RAPGEF4: variants seen among roughly 807,000 people sequenced by gnomAD.
RAPGEF4 encodes Rap guanine nucleotide exchange factor 4, also known as RAP guanine-nucleotide-exchange factor (GEF) 4.
RAPGEF4 carries 66 observed loss-of-function variants against 147.9 expected under a neutral mutation model. That is an observed-to-expected ratio of 0.45 (90% CI 0.37 to 0.55). RAPGEF4 has a LOEUF of 0.55. Among genes scored for constraint, RAPGEF4 ranks in the 20% least tolerant of loss-of-function variants. RAPGEF4 has a pLI of 0.00. For missense variants in RAPGEF4, 1,071 were observed against 1,257.3 expected (o/e 0.85, Z 2.24); for synonymous variants, 419 against 442.7 (o/e 0.95, Z 0.67).
chr2:172,911,240 G>C (rs1700064092), intron 4 of RAPGEF4, among the ~76,000 whole-genome samples: 1 of 152,158 alleles, frequency 6.6e-6, no homozygotes, highest in Non-Finnish European at 1.5e-5. Flanking sequence ...TCAGACCTAT[G>C]AATGAAAGAG....
At chr2:172,938,151 A>G (rs1011614094) in intron 6 of RAPGEF4, among the ~76,000 whole-genome samples, 2 of 151,970 alleles carry the variant, frequency 1.3e-5, no homozygotes, top group African/African-American at 4.8e-5. Flanking sequence ...AAGCCCTGTC[A>G]TCTGAGATAG....
At chr2:172,849,242 T>C (rs1038864148) in intron 4 of RAPGEF4, among the ~76,000 whole-genome samples, 10 of 152,170 alleles carry the variant, frequency 6.6e-5, no homozygotes, top group African/African-American at 9.7e-5. Context: ...GTTCTCACTA[T>C]AAAAAACAAT....
chr2:173,048,964 C>T (rs957293837), intron 30 of RAPGEF4, among the ~76,000 whole-genome samples: 2 of 152,180 alleles, frequency 1.3e-5, no homozygotes, highest in African/African-American at 4.8e-5. Context: ...GCCAACAAAT[C>T]CTGCCTCAAA....
chr2:172,749,124 T>C (rs1231446456), intron 1 of RAPGEF4, among the ~76,000 whole-genome samples: 8 of 152,192 alleles, frequency 5.3e-5, no homozygotes, highest in African/African-American at 1.9e-4. Flanking sequence ...TCCAGGCACA[T>C]AGTGCAAGCT....
intron 6 of RAPGEF4, among the ~76,000 whole-genome samples, chr2:172,952,462 A>C (rs910371809): frequency 6.6e-6 from 1 of 152,210 alleles, no homozygotes; most frequent in Non-Finnish European, 1.5e-5. Flanking sequence ...TTTCCATAGA[A>C]GTCACAGTTG....
At chr2:173,020,575 C>A in intron 22 of RAPGEF4, 43 bp from the exon 23 acceptor site, 1 of 1,495,892 alleles carries the variant, frequency 6.7e-7, no homozygotes, top group South Asian at 1.1e-5. Context: ...CAGCAAATCT[C>A]AGATGTATTT....
intron 10 of RAPGEF4, among the ~76,000 whole-genome samples, chr2:172,976,503 C>T (rs1398489912): frequency 6.6e-6 from 1 of 152,066 alleles, no homozygotes; most frequent in Non-Finnish European, 1.5e-5. Context: ...TGAGATGAAG[C>T]GTTGCATCAA....
intron 30 of RAPGEF4, among the ~76,000 whole-genome samples, chr2:173,049,528 C>T (rs1345321292): frequency 6.6e-6 from 1 of 152,190 alleles, no homozygotes; most frequent in Non-Finnish European, 1.5e-5. Flanking sequence ...TCCAATAAAC[C>T]GAGTGCTAAG....
Position 173,020,706 on chromosome 2 carries a change from C to A in RAPGEF4, c.2244C>A (p.Phe748Leu), listed in dbSNP as rs1005190762. The change falls in exon 23 of 31, where the codon TTC (phenylalanine) becomes TTA (leucine). Residue 748 changes from phenylalanine to leucine, a missense_variant. Phe to Leu is a conservative substitution (Grantham distance 22). Transcript: ENST00000397081. ...GRLFACPREQ[F>L]DSLTPLPEQE... Reference sequence around the variant, plus strand: ...TGTTTGCTTGCCCGCGAGAGCAATTCGATTCACTGGTAGGTGTGGATGGCC... The same window carrying A: ...TGTTTGCTTGCCCGCGAGAGCAATTAGATTCACTGGTAGGTGTGGATGGCC... 16 of 1,612,790 alleles carry A rather than the reference C, an allele frequency of 9.9e-6. No individual in the cohort carries two copies. Among genetic ancestry groups the A allele is most frequent in the Non-Finnish European group, 1.3e-5 (15 of 1,179,138 alleles).
chr2:172,843,722 A>G (rs1414925266), intron 4 of RAPGEF4, among the ~76,000 whole-genome samples: 1 of 55,698 alleles, frequency 1.8e-5, no homozygotes, highest in East Asian at 5.1e-4. Context: ...TTGCATACAT[A>G]TTATGTATTT....
chr2:172,958,260 A>C (rs904862669), intron 6 of RAPGEF4, among the ~76,000 whole-genome samples: 1 of 152,218 alleles, frequency 6.6e-6, no homozygotes, highest in African/African-American at 2.4e-5. Context: ...ATGGATTTCT[A>C]CTATTATTTT....
At chr2:172,751,449 T>G (rs985615969) in intron 1 of RAPGEF4, among the ~76,000 whole-genome samples, 1 of 152,110 alleles carries the variant, frequency 6.6e-6, no homozygotes, top group Non-Finnish European at 1.5e-5. Flanking sequence ...TAGATGGTAA[T>G]AAATGCTATG....
chr2:172,975,136 G>A (rs1443990724), intron 10 of RAPGEF4, among the ~76,000 whole-genome samples: 1 of 152,088 alleles, frequency 6.6e-6, no homozygotes, highest in Non-Finnish European at 1.5e-5. Context: ...ATTTTTATTT[G>A]CCAAATCCGG....
At chr2:172,982,151 G>A (rs984725046) in intron 10 of RAPGEF4, among the ~76,000 whole-genome samples, 3 of 152,148 alleles carry the variant, frequency 2.0e-5, no homozygotes, top group Non-Finnish European at 4.4e-5. Context: ...TAAATCTAGC[G>A]CTGTGTTTAG....
intron 1 of RAPGEF4, among the ~76,000 whole-genome samples, chr2:172,772,469 G>A (rs540590705): frequency 2.0e-4 from 30 of 151,582 alleles, no homozygotes; most frequent in African/African-American, 4.6e-4. Context: ...TCAGCCTCCC[G>A]AGTACCTGGG....
At chr2:172,953,408 T>C (rs575983000) in intron 6 of RAPGEF4, among the ~76,000 whole-genome samples, 2 of 148,378 alleles carry the variant, frequency 1.3e-5, no homozygotes, top group Non-Finnish European at 3.0e-5. Context: ...ATATAAAAAA[T>C]AACTGTTATA....
rs144714187 is a variant in RAPGEF4, at chr2:172,857,971, T to A, written c.444+43546T>A. Reference sequence around the variant, plus strand: ...GGTGAAGTTTATTATGTGATTCTTTTAGTGACTAAAATAAAGAGAACTTTT... The same window carrying A: ...GGTGAAGTTTATTATGTGATTCTTTAAGTGACTAAAATAAAGAGAACTTTT... On this transcript the variant is annotated intron_variant, in intron 4 of 30. Coordinates refer to ENST00000397081, the MANE Select transcript of RAPGEF4 (RefSeq NM_007023.4). 2.7e-5 allele frequency among the ~76,000 whole-genome samples: 4 copies of A among 148,622 alleles called. No homozygotes were observed. In the East Asian group the frequency reaches 7.9e-4, roughly 29 times the overall value.
At chr2:172,914,210 G>A (rs1186556708) in intron 4 of RAPGEF4, among the ~76,000 whole-genome samples, 2 of 151,420 alleles carry the variant, frequency 1.3e-5, no homozygotes, top group African/African-American at 4.9e-5. Context: ...TTGTTGTTTG[G>A]TTTACTATTA....
At chr2:173,024,655 T>C (rs1049415149) in intron 23 of RAPGEF4, among the ~76,000 whole-genome samples, 2 of 152,156 alleles carry the variant, frequency 1.3e-5, no homozygotes, top group African/African-American at 2.4e-5. Context: ...ATGACCCCAA[T>C]TTACCAGAGC....
Sources: allele counts gnomAD v4.1 joint callset (sites outside exome capture counted in the v4.1 genomes callset), GRCh38; gene constraint gnomAD v4.1.1; transcripts MANE v1.5; gene names NCBI Gene and HGNC (gene_info 2026-07-23, HGNC 2026-07-21).